Variants in SHISA9 observed in about 807,000 individuals in gnomAD.
The protein encoded by SHISA9 is shisa family member 9, also known as protein shisa-9.
A neutral mutation model predicts 38.0 loss-of-function variants in SHISA9; 13 were observed. That is an observed-to-expected ratio of 0.34 (90% confidence interval 0.22 to 0.54). The LOEUF is 0.54. SHISA9 is among the 20% of genes least tolerant of loss of function. The pLI is 0.91. For synonymous variants in SHISA9, 275 were observed against 242.0 expected, an observed-to-expected ratio of 1.14 and a Z score of -1.27; for missense variants, 538 against 575.8, an observed-to-expected ratio of 0.93 and a Z score of 0.67.
the SHISA9 span, among the ~76,000 whole-genome samples, chr16:13,418,391 C>T: frequency 1.3e-5 from 2 of 152,128 alleles, no homozygotes; most frequent in Non-Finnish European, 2.9e-5. Context: ...GAATGGCTCA[C>T]CTGGGGCTGT....
the SHISA9 span, among the ~76,000 whole-genome samples, chr16:13,397,257 C>G: frequency 6.6e-6 from 1 of 152,172 alleles, no homozygotes; most frequent in Non-Finnish European, 1.5e-5. Flanking sequence ...CCTGGCAGGG[C>G]TTGTAATGGG....
intron 2 of SHISA9, among the ~76,000 whole-genome samples, chr16:13,020,351 T>G (rs1414174913): frequency 6.6e-6 from 1 of 152,032 alleles, no homozygotes; most frequent in Admixed American, 6.6e-5. Context: ...TTGATTCTCT[T>G]GCATCCTCTG....
At chr16:13,454,206 G>T in the SHISA9 span, among the ~76,000 whole-genome samples, 1 of 152,146 alleles carries the variant, frequency 6.6e-6, no homozygotes, top group South Asian at 2.1e-4. Context: ...GAGAATCATT[G>T]TATACCTTGT....
chr16:13,484,506 C>A, the SHISA9 span, among the ~76,000 whole-genome samples: 1 of 152,180 alleles, frequency 6.6e-6, no homozygotes, highest in Non-Finnish European at 1.5e-5. Context: ...GAGTGCCTAG[C>A]ATGCTTCCAG....
the SHISA9 span, among the ~76,000 whole-genome samples, chr16:13,511,314 C>G: frequency 9.9e-5 from 15 of 152,108 alleles, no homozygotes; most frequent in Non-Finnish European, 2.2e-4. Flanking sequence ...AGCGGAAATA[C>G]CCAGAGTGAA....
chr16:12,947,301 A>C (rs1444751630), intron 2 of SHISA9, among the ~76,000 whole-genome samples: 2 of 152,234 alleles, frequency 1.3e-5, no homozygotes, highest in Non-Finnish European at 2.9e-5. Context: ...CCATGTGGCT[A>C]TCTGGGACAG....
At chr16:13,366,720 A>C in the SHISA9 span, among the ~76,000 whole-genome samples, 1 of 151,622 alleles carries the variant, frequency 6.6e-6, no homozygotes, top group Non-Finnish European at 1.5e-5. Flanking sequence ...AAGTGCAGTG[A>C]CTCATGCCTG....
the SHISA9 span, among the ~76,000 whole-genome samples, chr16:13,470,586 GA>G: frequency 4.6e-5 from 7 of 152,110 alleles, no homozygotes; most frequent in African/African-American, 1.4e-4. Context: ...ACCACGAGAA[GA>G]AAATGAGGGA....
the SHISA9 span, among the ~76,000 whole-genome samples, chr16:13,463,546 G>T: frequency 6.6e-6 from 1 of 152,182 alleles, no homozygotes; most frequent in Non-Finnish European, 1.5e-5. Context: ...TGATAATCTT[G>T]ATCTTGGCTT....
At position 12,970,467 on chromosome 16, in the gene SHISA9, GTGTA is replaced by G. The variant is rs1567168031; in HGVS notation, c.691+53654_691+53657del. Among the ~76,000 whole-genome samples the G allele has an allele frequency of 9.3e-4, 22 of 23,622 alleles. 1 individual carries two copies. Among genetic ancestry groups the G allele is most frequent in the African/African-American group, 2.3e-3 (12 of 5,158 alleles). The allele number at this position is 23,622 out of a possible 152,430, so 15.5% of individuals were successfully genotyped here. ...CACATATATATATACATATATGTGT[GTGTA>G]TATATATATATATATATATATATAT... On this transcript the variant is annotated intron_variant, in intron 2 of 4. Transcript: ENST00000558583.
At chr16:13,478,863 C>T in the SHISA9 span, among the ~76,000 whole-genome samples, 5 of 152,142 alleles carry the variant, frequency 3.3e-5, no homozygotes, top group Non-Finnish European at 1.5e-5. Flanking sequence ...CTCAATAAGC[C>T]ACCTGGGCGA....
the SHISA9 span, among the ~76,000 whole-genome samples, chr16:13,538,386 G>T: frequency 6.6e-6 from 1 of 152,200 alleles, no homozygotes; most frequent in African/African-American, 2.4e-5. Flanking sequence ...CAAGAAAAAT[G>T]GTATTATTAT....
the SHISA9 span, chr16:13,331,670 T>G: frequency 1.3e-5 from 2 of 152,188 alleles, no homozygotes; most frequent in East Asian, 3.9e-4. Context: ...TTTGGAAAAT[T>G]TCTTGTCTGT....
At chr16:13,342,668 A>C in the SHISA9 span, among the ~76,000 whole-genome samples, 1 of 152,086 alleles carries the variant, frequency 6.6e-6, no homozygotes, top group Admixed American at 6.5e-5. Context: ...CTTCACTATG[A>C]CTCTAATCCG....
chr16:13,227,238 G>A (rs572049057), intron 4 of SHISA9, among the ~76,000 whole-genome samples: 12 of 152,348 alleles, frequency 7.9e-5, no homozygotes, highest in South Asian at 2.1e-4. Flanking sequence ...CAAACAGCTC[G>A]AAGACTGCAG....
At chr16:13,448,451 C>T in the SHISA9 span, among the ~76,000 whole-genome samples, 1 of 152,214 alleles carries the variant, frequency 6.6e-6, no homozygotes, top group Non-Finnish European at 1.5e-5. Flanking sequence ...GACACCCTCT[C>T]AAGCTGCACA....
intron 4 of SHISA9, among the ~76,000 whole-genome samples, chr16:13,232,461 G>T (rs777891661): frequency 6.6e-6 from 1 of 152,108 alleles, no homozygotes; most frequent in African/African-American, 2.4e-5. Context: ...GAAAAGAAAA[G>T]AAAGTGTTGA....
the SHISA9 span, among the ~76,000 whole-genome samples, chr16:13,558,882 A>G: frequency 2.6e-5 from 4 of 152,218 alleles, no homozygotes; most frequent in Non-Finnish European, 5.9e-5. Context: ...AACATTTTTC[A>G]GGGCTCTGCA....
At chr16:13,466,220 G>C in the SHISA9 span, among the ~76,000 whole-genome samples, 4 of 152,156 alleles carry the variant, frequency 2.6e-5, no homozygotes, top group African/African-American at 9.7e-5. Context: ...AGACTGCCAC[G>C]CGGCCACTTG....
Sources: allele counts gnomAD v4.1 joint callset (sites outside exome capture counted in the v4.1 genomes callset), GRCh38; gene constraint gnomAD v4.1.1; transcripts MANE v1.5; gene names NCBI Gene and HGNC (gene_info 2026-07-23, HGNC 2026-07-21).